The following SLC71A1 variants were observed in gnomAD, a reference collection of about 807,000 sequenced individuals.
The protein encoded by SLC71A1 is hippocampus abundant gene transcript 1.
the SLC71A1 span, among the ~76,000 whole-genome samples, chr1:100,044,430 A>G: frequency 6.7e-6 from 1 of 148,278 alleles, no homozygotes; most frequent in Non-Finnish European, 1.5e-5. Flanking sequence ...TTCCTTGTAG[A>G]TTCTGGGTAC....
chr1:100,063,810 G>A, the SLC71A1 span, among the ~76,000 whole-genome samples: 16 of 152,142 alleles, frequency 1.1e-4, no homozygotes, highest in Admixed American at 2.0e-4. Context: ...AAGGGGGTTG[G>A]GGGGTGCGGG....
the SLC71A1 span, chr1:100,050,104 C>G: frequency 1.5e-6 from 1 of 681,068 alleles, no homozygotes; most frequent in Non-Finnish European, 2.6e-6. Context: ...GGTTAATTCT[C>G]CCACCAGTAT....
chr1:100,071,877 C>T, the SLC71A1 span, among the ~76,000 whole-genome samples: 209 of 152,200 alleles, frequency 1.4e-3, 1 homozygote, highest in African/African-American at 4.5e-3. Flanking sequence ...TCTGGCAGGG[C>T]AGACAGGTAA....
the SLC71A1 span, chr1:100,080,715 T>A: frequency 6.8e-7 from 1 of 1,473,740 alleles, no homozygotes; most frequent in Non-Finnish European, 9.2e-7. Context: ...GATTAAAGGC[T>A]ACTGGTTTTT....
chr1:100,062,055 G>A, the SLC71A1 span: 30 of 664,062 alleles, frequency 4.5e-5, no homozygotes, highest in Middle Eastern at 4.0e-4. Context: ...AGATTTTTGC[G>A]TAAAATATAT....
chr1:100,038,523 C>T, the SLC71A1 span, among the ~76,000 whole-genome samples: 1 of 152,176 alleles, frequency 6.6e-6, no homozygotes, highest in East Asian at 1.9e-4. Context: ...CTCCGGGGCC[C>T]GTCCTCTTTC....
At chr1:100,069,837 T>C in the SLC71A1 span, 1 of 637,304 alleles carries the variant, frequency 1.6e-6, no homozygotes, top group East Asian at 2.6e-5. Context: ...GTGTAGCTAG[T>C]GTTGATCAGA....
the SLC71A1 span, among the ~76,000 whole-genome samples, chr1:100,055,439 C>A: frequency 6.6e-6 from 1 of 150,696 alleles, no homozygotes. Context: ...GAACTTTTTC[C>A]TAATTATCAC....
the SLC71A1 span, among the ~76,000 whole-genome samples, chr1:100,045,760 C>T: frequency 7.9e-5 from 12 of 151,610 alleles, no homozygotes; most frequent in Admixed American, 6.6e-4. Context: ...GCCCAGGCGA[C>T]ATACATAGTA....
At chr1:100,067,655 T>C in the SLC71A1 span, among the ~76,000 whole-genome samples, 4 of 151,764 alleles carry the variant, frequency 2.6e-5, no homozygotes, top group East Asian at 7.8e-4. Flanking sequence ...CTATAAAAAA[T>C]AAACAAAATT....
the SLC71A1 span, among the ~76,000 whole-genome samples, chr1:100,042,608 CT>C: frequency 5.4e-4 from 79 of 145,828 alleles, no homozygotes; most frequent in Admixed American, 2.8e-3. Flanking sequence ...CTTTTTCTTT[CT>C]TTTTTTTTTT....
At chr1:100,040,415 T>C in the SLC71A1 span, among the ~76,000 whole-genome samples, 1 of 152,230 alleles carries the variant, frequency 6.6e-6, no homozygotes, top group South Asian at 2.1e-4. Flanking sequence ...TAGTTGCTTA[T>C]CTACCTCTCT....
the SLC71A1 span, among the ~76,000 whole-genome samples, chr1:100,052,424 C>CTTTT: frequency 1.6e-4 from 19 of 119,644 alleles, no homozygotes; most frequent in Non-Finnish European, 2.2e-4. Flanking sequence ...TAATATATTC[C>CTTTT]TTTTTTTTTT....
the SLC71A1 span, among the ~76,000 whole-genome samples, chr1:100,053,568 A>G: frequency 7.2e-5 from 11 of 152,160 alleles, no homozygotes; most frequent in Admixed American, 4.6e-4. Flanking sequence ...GATTTCAAAG[A>G]TATTCTTTGA....
chr1:100,049,951 G>T, the SLC71A1 span: 2 of 1,610,272 alleles, frequency 1.2e-6, no homozygotes, highest in Non-Finnish European at 1.7e-6. Flanking sequence ...TGCAGTTATC[G>T]TCATCTTTTT....
chr1:100,065,072 C>G, the SLC71A1 span, among the ~76,000 whole-genome samples: 1 of 152,022 alleles, frequency 6.6e-6, no homozygotes, highest in Non-Finnish European at 1.5e-5. Context: ...TGGAGTTTCA[C>G]CATGTTGCCC....
the SLC71A1 span, among the ~76,000 whole-genome samples, chr1:100,069,885 C>T: frequency 6.6e-6 from 1 of 152,080 alleles, no homozygotes; most frequent in Non-Finnish European, 1.5e-5. Context: ...GATATATAAA[C>T]GTAAAAGCTA....
chr1:100,082,026 C>A, the SLC71A1 span: 2 of 1,613,144 alleles, frequency 1.2e-6, no homozygotes, highest in Non-Finnish European at 1.7e-6. Flanking sequence ...CTGGCCCTCC[C>A]TTCCTATTTG....
the SLC71A1 span, chr1:100,078,369 A>G: frequency 1.0e-5 from 9 of 893,448 alleles, no homozygotes; most frequent in Non-Finnish European, 1.6e-5. Flanking sequence ...ATTTCACAGT[A>G]AGAATTACTT....
Sources: allele counts gnomAD v4.1 joint callset (sites outside exome capture counted in the v4.1 genomes callset), GRCh38; gene constraint gnomAD v4.1.1; transcripts MANE v1.5; gene names NCBI Gene and HGNC (gene_info 2026-07-23, HGNC 2026-07-21).